Variants in DNAH14 observed in about 807,000 individuals in gnomAD.
DNAH14 encodes the protein dynein axonemal heavy chain 14.
A neutral mutation model predicts 520.9 loss-of-function variants in DNAH14; 478 were observed. The observed-to-expected ratio is 0.92, with a 90% CI of 0.85 to 0.99. DNAH14 has a LOEUF of 0.99. Ranked by LOEUF, DNAH14 falls within the 50% of genes least tolerant of loss-of-function variation. DNAH14 has a pLI of 0.00. For synonymous variants in DNAH14, 1,581 were observed against 1,757.2 expected (o/e 0.90, Z 2.51); for missense variants, 4,831 against 5,234.5 (o/e 0.92, Z 2.38).
At chr1:225,349,368 C>CA (rs1211913545) in intron 71 of DNAH14, among the ~76,000 whole-genome samples, 2 of 151,374 alleles carry the variant, frequency 1.3e-5, no homozygotes, top group Admixed American at 6.6e-5. Context: ...AATAAAATAC[C>CA]GAAAAAGGCA....
intron 41 of DNAH14, among the ~76,000 whole-genome samples, chr1:225,225,191 G>C (rs1251398705): frequency 1.3e-5 from 2 of 152,142 alleles, no homozygotes; most frequent in Non-Finnish European, 2.9e-5. Context: ...CCAGCTCACA[G>C]ACACGTTCCC....
intron 27 of DNAH14, among the ~76,000 whole-genome samples, chr1:225,127,838 G>A (rs781103019): frequency 2.7e-4 from 41 of 152,200 alleles, no homozygotes; most frequent in Non-Finnish European, 4.9e-4. Context: ...ATTTTGCAGC[G>A]GCTGGTAACA....
intron 38 of DNAH14, among the ~76,000 whole-genome samples, chr1:225,200,415 T>A (rs2086674186): frequency 6.6e-6 from 1 of 152,132 alleles, no homozygotes; most frequent in Admixed American, 6.5e-5. Flanking sequence ...TTGGTTTTTT[T>A]AATTGTATTT....
intron 10 of DNAH14, among the ~76,000 whole-genome samples, chr1:225,010,885 A>G (rs1206349381): frequency 6.6e-6 from 1 of 151,374 alleles, no homozygotes; most frequent in African/African-American, 2.4e-5. Context: ...ATTTGTATAG[A>G]GGTATTTATA....
At chr1:225,250,709 C>A in intron 43 of DNAH14, 2 of 540,252 alleles carry the variant, frequency 3.7e-6, no homozygotes, top group Non-Finnish European at 3.4e-6. Flanking sequence ...GAACTGTGGG[C>A]AAGTACCTTT....
At position 225,360,593 on chromosome 1, in the gene DNAH14, A is replaced by G. The variant is rs1322371205; in HGVS notation, c.11777-88A>G. On this transcript the variant is annotated intron_variant, in intron 74 of 85. Coordinates refer to ENST00000682510, the MANE Select transcript of DNAH14 (RefSeq NM_001367479.1). ...TCCGCTATGACTATACCTTTTCCCA[A>G]CACTACTCAATAAATGCTGGATTGT... 9 of 1,222,178 alleles carry G rather than the reference A, an allele frequency of 7.4e-6. No individual in the cohort carries two copies. In the Admixed American group the frequency reaches 8.8e-5, roughly 12 times the overall value. 75.7% of individuals were successfully genotyped at this position (1,222,178 alleles called of 1,614,324 possible).
At chr1:225,025,095 TG>T (rs2148048839) in intron 11 of DNAH14, among the ~76,000 whole-genome samples, 1 of 152,208 alleles carries the variant, frequency 6.6e-6, no homozygotes. Flanking sequence ...CACAACACTT[TG>T]GGAGACCAAT....
intron 78 of DNAH14, 71 bp from the exon 79 acceptor site, chr1:225,377,166 G>T: frequency 7.9e-7 from 1 of 1,272,600 alleles, no homozygotes; most frequent in South Asian, 2.1e-5. Context: ...ATCTTACTCT[G>T]GCAAAAACCA....
chr1:225,305,847 C>T (rs2094229886), intron 58 of DNAH14, among the ~76,000 whole-genome samples: 1 of 152,228 alleles, frequency 6.6e-6, no homozygotes, highest in Non-Finnish European at 1.5e-5. Context: ...CCATCAGATA[C>T]TGTAACTAAT....
intron 11 of DNAH14, 195 bp downstream of exon 11, chr1:225,024,060 C>T (rs918173364): frequency 3.4e-5 from 41 of 1,203,582 alleles, no homozygotes; most frequent in Middle Eastern, 6.6e-4. Context: ...CTATAGGATG[C>T]GCAGTAAAAT....
At position 225,080,604 on chromosome 1, in the gene DNAH14, T is replaced by A. The variant is rs2073007620; in HGVS notation, c.2992T>A (p.Leu998Met). 1 of 1,552,040 alleles carries A rather than the reference T, an allele frequency of 6.4e-7. No homozygotes were observed. Among genetic ancestry groups the A allele is most frequent in the South Asian group, 1.2e-5 (1 of 84,058 alleles). ...EISDIEGDLT[L>M]RKKLWEAQEE... ...CTCTGACATTGAAGGTGACTTGACT[T>A]TGAGGAAAAAACTATGGGAAGCACA... Residue 998 changes from leucine to methionine, a missense_variant, in exon 19 of 86, where the codon TTG becomes ATG. Transcript: ENST00000682510.
Position 225,002,815 on chromosome 1 carries a change from A to T in DNAH14, c.863A>T (p.Asp288Val). 6.5e-7 allele frequency: 1 copy of T among 1,549,156 alleles called. No individual in the cohort carries two copies. Among genetic ancestry groups the T allele is most frequent in the Non-Finnish European group, 8.7e-7 (1 of 1,145,770 alleles). Residue 288 changes from aspartate (D) to valine (V), a missense_variant, in exon 9 of 86, where the codon GAT (aspartate) becomes GTT (valine). Coordinates refer to ENST00000682510, the MANE Select transcript of DNAH14 (RefSeq NM_001367479.1). ...SFLYHHLFLA[D>V]DLFQTCLVYI... Reference sequence around the variant, plus strand: ...TTGTACCACCATCTTTTTTTGGCTGATGACTTGTTTCAAACCTGTTTGGTT... The same window carrying T: ...TTGTACCACCATCTTTTTTTGGCTGTTGACTTGTTTCAAACCTGTTTGGTT...
At chr1:225,064,519 A>G (rs143332261) in intron 17 of DNAH14, among the ~76,000 whole-genome samples, 2 of 152,014 alleles carry the variant, frequency 1.3e-5, no homozygotes, top group African/African-American at 2.4e-5. Context: ...ATCCAAGTGT[A>G]TATCAATAGG....
intron 27 of DNAH14, 138 bp downstream of exon 27, chr1:225,123,752 G>T: frequency 5.3e-6 from 1 of 188,696 alleles, no homozygotes; most frequent in Admixed American, 5.8e-5. Flanking sequence ...GCCTATAACA[G>T]TTATGTTTAC....
chr1:225,337,996 CT>C (rs34298762), intron 67 of DNAH14, 64 bp from the exon 68 acceptor site: 2,554 of 1,279,586 alleles, frequency 2.0e-3, no homozygotes, highest in South Asian at 3.3e-3. Flanking sequence ...TTTATTGCTG[CT>C]TTTTTTTTTC....
At position 225,303,266 on chromosome 1, in the gene DNAH14, G is replaced by A. The variant is rs759970213; in HGVS notation, c.8742G>A (p.Trp2914Ter). Residue 2914 changes from tryptophan (W) to a stop codon, truncating the protein, a stop_gained, in exon 57 of 86, where the codon TGG becomes TGA. Transcript: ENST00000682510. LOFTEE classifies it high-confidence loss of function. ...TGATTAGCTCCTGCACGATCGATTG[G>A]TATGAGAGGTGGCCAGAAGAAGCTC... The part of the protein sequence containing the change: ...PSMISSCTID[W>*]YERWPEEALL... 2.8e-5 allele frequency: 43 copies of A among 1,551,372 alleles called. No homozygotes were observed. Among genetic ancestry groups the A allele is most frequent in the Non-Finnish European group, 1.7e-6 (2 of 1,146,846 alleles).
intron 66 of DNAH14, 132 bp downstream of exon 66, chr1:225,333,638 T>G: frequency 1.2e-6 from 1 of 831,172 alleles, no homozygotes; most frequent in Non-Finnish European, 1.8e-6. Flanking sequence ...GTTAATAGTT[T>G]GTTGCAGGCC....
At chr1:225,190,002 TC>T (rs1483845059) in intron 37 of DNAH14, among the ~76,000 whole-genome samples, 3 of 151,658 alleles carry the variant, frequency 2.0e-5, no homozygotes, top group South Asian at 2.1e-4. Context: ...CTGAATTGTG[TC>T]CCCCCCACCC....
At chr1:224,949,977 T>C (rs1349142018) in intron 1 of DNAH14, among the ~76,000 whole-genome samples, 1 of 152,182 alleles carries the variant, frequency 6.6e-6, no homozygotes, top group Non-Finnish European at 1.5e-5. Flanking sequence ...TACGCTTCTG[T>C]TATTTTATCA....
Sources: gnomAD v4.1 joint callset for allele counts (sites outside exome capture counted in the v4.1 genomes callset) on GRCh38, gnomAD v4.1.1 for gene constraint, MANE v1.5 for transcripts, NCBI Gene and HGNC (gene_info 2026-07-23, HGNC 2026-07-21) for gene names.